Variants in ZFPM2 observed in about 807,000 individuals in gnomAD.
The protein encoded by ZFPM2 is zinc finger protein, FOG family member 2, also known as zinc finger protein ZFPM2.
Under a neutral mutation model 98.6 loss-of-function variants are expected in ZFPM2, and 20 were observed. The ratio of observed to expected loss-of-function variants is 0.20; its 90% CI spans 0.14 to 0.29. ZFPM2 has a LOEUF of 0.29. Among genes scored for constraint, ZFPM2 ranks in the 10% least tolerant of loss-of-function variants. ZFPM2 has a pLI of 1.00. For missense variants in ZFPM2, 1,310 were observed against 1,388.6 expected (o/e 0.94, Z 0.90); for synonymous variants, 518 against 502.7 (o/e 1.03, Z -0.41).
chr8:105,640,860 T>A (rs1816936394), intron 5 of ZFPM2, among the ~76,000 whole-genome samples: 1 of 151,984 alleles, frequency 6.6e-6, no homozygotes, highest in South Asian at 2.1e-4. Flanking sequence ...AAAGGAAAAA[T>A]TTGCGTTCAT....
At chr8:105,361,487 T>A (rs1288850667) in intron 1 of ZFPM2, among the ~76,000 whole-genome samples, 1 of 151,810 alleles carries the variant, frequency 6.6e-6, no homozygotes, top group Non-Finnish European at 1.5e-5. Context: ...TTAGATCCCA[T>A]TTGTCAATTT....
chr8:105,496,016 C>T (rs1049268407), intron 3 of ZFPM2, among the ~76,000 whole-genome samples: 5 of 152,056 alleles, frequency 3.3e-5, no homozygotes, highest in Non-Finnish European at 5.9e-5. Flanking sequence ...TACAAAAAAG[C>T]CGGGAATTAA....
At chr8:105,649,143 G>T (rs1817116351) in intron 5 of ZFPM2, among the ~76,000 whole-genome samples, 2 of 152,140 alleles carry the variant, frequency 1.3e-5, no homozygotes, top group Non-Finnish European at 2.9e-5. Flanking sequence ...TGAAGCAATT[G>T]TGAATGGGAG....
At chr8:105,448,407 A>G (rs190479504) in intron 3 of ZFPM2, among the ~76,000 whole-genome samples, 1 of 152,138 alleles carries the variant, frequency 6.6e-6, no homozygotes, top group Admixed American at 6.5e-5. Flanking sequence ...CAGTTTACCA[A>G]TATTCTTATA....
intron 4 of ZFPM2, among the ~76,000 whole-genome samples, chr8:105,612,901 C>T (rs965792801): frequency 6.6e-6 from 1 of 152,086 alleles, no homozygotes; most frequent in East Asian, 1.9e-4. Context: ...AAAAAATGAT[C>T]ATTTTCCTGG....
chr8:105,396,127 A>C (rs906760207), intron 1 of ZFPM2, among the ~76,000 whole-genome samples: 1 of 152,210 alleles, frequency 6.6e-6, no homozygotes, highest in Non-Finnish European at 1.5e-5. Flanking sequence ...GCTCACCCAT[A>C]TCTCTCAGAA....
intron 1 of ZFPM2, among the ~76,000 whole-genome samples, chr8:105,405,259 C>G (rs1349555731): frequency 6.6e-6 from 1 of 151,678 alleles, no homozygotes; most frequent in Non-Finnish European, 1.5e-5. Context: ...ATGGTCCACT[C>G]TTTCTTTTTT....
At chr8:105,345,651 T>G (rs1812510026) in intron 1 of ZFPM2, among the ~76,000 whole-genome samples, 1 of 152,150 alleles carries the variant, frequency 6.6e-6, no homozygotes, top group Non-Finnish European at 1.5e-5. Flanking sequence ...GACATACTGT[T>G]CAGCTTGTTC....
At chr8:105,442,615 T>C (rs1378922646) in intron 2 of ZFPM2, among the ~76,000 whole-genome samples, 1 of 152,254 alleles carries the variant, frequency 6.6e-6, no homozygotes, top group African/African-American at 2.4e-5. Context: ...TTCAGTGGTG[T>C]GGTTTATGTA....
At chr8:105,432,310 T>C (rs577194252) in intron 2 of ZFPM2, among the ~76,000 whole-genome samples, 9 of 152,222 alleles carry the variant, frequency 5.9e-5, no homozygotes, top group African/African-American at 2.2e-4. Context: ...TAGCCCTTAT[T>C]TGTGAGCTCT....
chr8:105,344,144 T>G (rs2129677428), intron 1 of ZFPM2, among the ~76,000 whole-genome samples: 1 of 152,204 alleles, frequency 6.6e-6, no homozygotes, highest in African/African-American at 2.4e-5. Context: ...ATGATCCAAT[T>G]ACCTCTCACT....
intron 5 of ZFPM2, among the ~76,000 whole-genome samples, chr8:105,705,262 G>A (rs1811229088): frequency 6.6e-6 from 1 of 151,856 alleles, no homozygotes; most frequent in South Asian, 2.1e-4. Context: ...AAGAATGAAA[G>A]CATTGTGTGT....
intron 1 of ZFPM2, among the ~76,000 whole-genome samples, chr8:105,369,532 T>C (rs1477267446): frequency 2.6e-5 from 4 of 152,144 alleles, no homozygotes; most frequent in African/African-American, 4.8e-5. Context: ...AGTTAGTTAC[T>C]AGATGATGTT....
chr8:105,404,296 G>T (rs1811397920), intron 1 of ZFPM2, among the ~76,000 whole-genome samples: 1 of 151,998 alleles, frequency 6.6e-6, no homozygotes, highest in African/African-American at 2.4e-5. Context: ...GCTATATATT[G>T]TGGAAAATAG....
intron 1 of ZFPM2, among the ~76,000 whole-genome samples, chr8:105,392,475 T>C (rs1811128463): frequency 6.6e-6 from 1 of 152,182 alleles, no homozygotes; most frequent in Admixed American, 6.5e-5. Flanking sequence ...TCGTAGCACA[T>C]ATACTTGTAA....
At chr8:105,356,722 T>C (rs1479183297) in intron 1 of ZFPM2, among the ~76,000 whole-genome samples, 1 of 152,182 alleles carries the variant, frequency 6.6e-6, no homozygotes. Flanking sequence ...TCTCTGTAGT[T>C]GTTGAGGCTT....
chr8:105,797,585 T>C (rs1413875471), intron 6 of ZFPM2, among the ~76,000 whole-genome samples: 1 of 152,178 alleles, frequency 6.6e-6, no homozygotes, highest in Non-Finnish European at 1.5e-5. Flanking sequence ...TCCTACAGCC[T>C]CTTCTCTCCC....
At chr8:105,517,385 T>C (rs1329347303) in intron 3 of ZFPM2, among the ~76,000 whole-genome samples, 1 of 152,192 alleles carries the variant, frequency 6.6e-6, no homozygotes, top group African/African-American at 2.4e-5. Context: ...GTTATTTTCC[T>C]TTAGCTTTAT....
At chr8:105,393,390 C>CTTTCTTTCTTTCTTTCTTTCTTTCT (rs1554600712) in intron 1 of ZFPM2, among the ~76,000 whole-genome samples, 1 of 134,514 alleles carries the variant, frequency 7.4e-6, no homozygotes, top group Non-Finnish European at 1.6e-5. Flanking sequence ...TTCTTTCTTT[C>CTTTCTTTCTTTCTTTCTTTCTTTCT]TTCTTCAGAA....
Sources: gnomAD v4.1 joint callset for allele counts (sites outside exome capture counted in the v4.1 genomes callset) on GRCh38, gnomAD v4.1.1 for gene constraint, MANE v1.5 for transcripts, NCBI Gene and HGNC (gene_info 2026-07-23, HGNC 2026-07-21) for gene names.